SLC12A1: variants seen among roughly 807,000 people sequenced by gnomAD.
The protein encoded by SLC12A1 is solute carrier family 12 member 1.
In SLC12A1, 89 loss-of-function variants were observed where a neutral mutation model predicts 130.4. That is an observed-to-expected ratio of 0.68 (90% CI 0.58 to 0.81). The LOEUF (loss-of-function observed/expected upper bound fraction) is 0.81. SLC12A1 is among the 40% of genes least tolerant of loss of function. SLC12A1 has a pLI of 0.00. For synonymous variants in SLC12A1, 499 were observed against 460.0 expected (o/e 1.08, Z -1.09); for missense variants, 1,310 against 1,336.4 (o/e 0.98, Z 0.31).
rs1207926391 is a variant in SLC12A1, at chr15:48,221,089, A to T, written c.628+93A>T. The stretch of plus-strand genomic sequence containing the variant: ...ACCATTAATACTGAATGTGAGATGA[A>T]GGTCACAGAAATAATTTACAGTTGG... On this transcript the variant is annotated intron_variant, in intron 4 of 26. Transcript: ENST00000380993. The T allele has an allele frequency of 2.6e-6, 3 of 1,160,570 alleles. No individual in the cohort carries two copies. In the East Asian group the frequency reaches 7.0e-5, roughly 27 times the overall value. 71.9% of individuals were successfully genotyped at this position (1,160,570 alleles called of 1,614,324 possible).
chr15:48,218,602 C>G (rs888739143), intron 2 of SLC12A1, among the ~76,000 whole-genome samples: 1 of 152,050 alleles, frequency 6.6e-6, no homozygotes, highest in African/African-American at 2.4e-5. Flanking sequence ...CACACCAGCT[C>G]CATTTTAGAG....
chr15:48,297,957 T>A (rs541963382), intron 24 of SLC12A1, among the ~76,000 whole-genome samples: 14 of 152,350 alleles, frequency 9.2e-5, no homozygotes, highest in African/African-American at 3.1e-4. Flanking sequence ...CCTATCAGTC[T>A]TATTCTTTCC....
intron 14 of SLC12A1, 39 bp from the exon 15 acceptor site, chr15:48,251,576 G>A: frequency 1.3e-6 from 2 of 1,542,118 alleles, no homozygotes; most frequent in Non-Finnish European, 1.8e-6. Context: ...CATGATCATA[G>A]TAGAGTGGAA....
intron 17 of SLC12A1, among the ~76,000 whole-genome samples, chr15:48,267,059 A>G (rs1428424786): frequency 6.6e-6 from 1 of 152,198 alleles, no homozygotes; most frequent in Non-Finnish European, 1.5e-5. Flanking sequence ...TGCCACACGA[A>G]AAAGCAACGC....
At chr15:48,288,692 A>C (rs891280953) in intron 23 of SLC12A1, among the ~76,000 whole-genome samples, 176 bp downstream of exon 23, 3 of 152,138 alleles carry the variant, frequency 2.0e-5, no homozygotes, top group African/African-American at 7.2e-5. Flanking sequence ...ATTTTTCCTG[A>C]TCGCTGTCTT....
chr15:48,265,296 T>G (rs2041820753), intron 17 of SLC12A1, among the ~76,000 whole-genome samples: 1 of 152,226 alleles, frequency 6.6e-6, no homozygotes, highest in South Asian at 2.1e-4. Flanking sequence ...ATCTGGATTT[T>G]TATAATACTA....
intron 9 of SLC12A1, among the ~76,000 whole-genome samples, chr15:48,236,556 T>C (rs568109859): frequency 2.0e-5 from 3 of 152,176 alleles, no homozygotes; most frequent in South Asian, 4.1e-4. Flanking sequence ...TCCATGAAAG[T>C]AGAGAGTTTG....
At chr15:48,222,770 C>T (rs987576022) in intron 4 of SLC12A1, 2 of 152,146 alleles carry the variant, frequency 1.3e-5, no homozygotes, top group Non-Finnish European at 2.9e-5. Flanking sequence ...GAAACAAACA[C>T]ATCTATTTGT....
intron 6 of SLC12A1, among the ~76,000 whole-genome samples, chr15:48,229,588 A>ATG (rs1353005722): frequency 1.3e-5 from 2 of 152,200 alleles, no homozygotes; most frequent in African/African-American, 4.8e-5. Context: ...ATACTGTTAT[A>ATG]TGTATTTCAC....
chr15:48,211,660 T>C (rs571015453), intron 2 of SLC12A1, among the ~76,000 whole-genome samples: 2 of 152,338 alleles, frequency 1.3e-5, no homozygotes, highest in African/African-American at 4.8e-5. Flanking sequence ...ATAATAGCAA[T>C]AGCACATTCA....
intron 13 of SLC12A1, among the ~76,000 whole-genome samples, chr15:48,247,808 G>A (rs2041600526): frequency 6.6e-6 from 1 of 152,132 alleles, no homozygotes; most frequent in Non-Finnish European, 1.5e-5. Flanking sequence ...GCCTGTTAGT[G>A]TTTCTGGAAA....
chr15:48,222,850 C>T (rs2041233088), intron 4 of SLC12A1: 1 of 152,120 alleles, frequency 6.6e-6, no homozygotes, highest in African/African-American at 2.4e-5. Flanking sequence ...GGAATAGAGC[C>T]AGAAGGAATC....
chr15:48,209,981 G>A (rs777510551), intron 2 of SLC12A1, among the ~76,000 whole-genome samples: 3 of 152,204 alleles, frequency 2.0e-5, no homozygotes, highest in Non-Finnish European at 4.4e-5. Context: ...AGTTAGCAAT[G>A]CGACAATTTC....
chr15:48,277,484 A>AAAGCAAGAGAGGAATGGTTTATTTCTAT (rs376765276), intron 20 of SLC12A1, among the ~76,000 whole-genome samples: 1 of 152,034 alleles, frequency 6.6e-6, no homozygotes, highest in Non-Finnish European at 1.5e-5. Context: ...TTTACTTCTA[A>AAAGCAAGAGAGGAATGGTTTATTTCTAT]AAGCAAGAGA....
At chr15:48,288,323 T>C (rs1294103745) in intron 22 of SLC12A1, 82 bp from the exon 23 acceptor site, 14 of 1,046,464 alleles carry the variant, frequency 1.3e-5, no homozygotes, top group Admixed American at 2.4e-5. Context: ...GCTATCAATG[T>C]GGTAATGAAT....
At chr15:48,291,387 A>T (rs1201150248) in intron 23 of SLC12A1, among the ~76,000 whole-genome samples, 3 of 151,826 alleles carry the variant, frequency 2.0e-5, no homozygotes, top group African/African-American at 7.2e-5. Context: ...TTGTATGATA[A>T]CTGTTTGTCA....
chr15:48,251,219 T>C (rs996810749), intron 14 of SLC12A1, among the ~76,000 whole-genome samples: 19 of 151,956 alleles, frequency 1.3e-4, no homozygotes, highest in African/African-American at 4.6e-4. Context: ...TCTTTTTCTT[T>C]CTCTGACAAC....
chr15:48,285,266 A>T lies in SLC12A1; in HGVS notation c.2629+17A>T. The T allele has an allele frequency of 1.9e-6, 3 of 1,612,654 alleles. No homozygotes were observed. The highest frequency in any genetic ancestry group is 2.7e-5 in the African/African-American group (2 of 74,884). On this transcript the variant is annotated intron_variant, in intron 21 of 26. Transcript: ENST00000380993. ...CTAAAAAAGGTAAGAACTTTTTAAA[A>T]TTTGCAAAAAAGTTTACAAGATGAG... is the stretch of plus-strand genomic sequence containing the variant.
intron 25 of SLC12A1, 75 bp from the exon 26 acceptor site, chr15:48,301,240 C>G: frequency 9.9e-7 from 1 of 1,005,646 alleles, no homozygotes; most frequent in East Asian, 2.6e-5. Flanking sequence ...TCTGCTTGTT[C>G]ATGATTTAAG....
Sources: allele counts gnomAD v4.1 joint callset (sites outside exome capture counted in the v4.1 genomes callset), GRCh38; gene constraint gnomAD v4.1.1; transcripts MANE v1.5; gene names NCBI Gene and HGNC (gene_info 2026-07-23, HGNC 2026-07-21).